ADAD1: variants seen among roughly 807,000 people sequenced by gnomAD.
ADAD1 encodes adenosine deaminase domain containing 1.
Under a neutral mutation model 66.8 loss-of-function variants are expected in ADAD1, and 46 were observed. That is an observed-to-expected ratio of 0.69 (90% CI 0.54 to 0.88). The LOEUF (loss-of-function observed/expected upper bound fraction) is 0.88. Among genes scored for constraint, ADAD1 ranks in the 40% least tolerant of loss-of-function variants. ADAD1 has a pLI of 0.00. For missense variants in ADAD1, 617 were observed against 681.8 expected (o/e 0.91, Z 1.06); for synonymous variants, 248 against 229.4 (o/e 1.08, Z -0.73).
chr4:122,408,501 C>A (rs1560595348), intron 8 of ADAD1, among the ~76,000 whole-genome samples: 1 of 152,188 alleles, frequency 6.6e-6, no homozygotes, highest in African/African-American at 2.4e-5. Context: ...GTCTTGAACT[C>A]CTGATCTCAG....
At position 122,407,594 on chromosome 4, in the gene ADAD1, C is replaced by T. The variant is rs1580780564; in HGVS notation, c.725-314C>T. Among the ~76,000 whole-genome samples the T allele has an allele frequency of 3.9e-5, 6 of 152,198 alleles. No homozygotes were observed. In the South Asian group the frequency reaches 1.2e-3, roughly 32 times the overall value. The stretch of plus-strand genomic sequence containing the variant: ...AAGTGTCTTAGAAGATCAAATACAT[C>T]TAGATGTAGAAGAAATAGAAAGCGA... On this transcript the variant is annotated intron_variant, in intron 7 of 12. Transcript: ENST00000296513.
intron 12 of ADAD1, among the ~76,000 whole-genome samples, chr4:122,424,794 A>T (rs1029057740): frequency 1.3e-5 from 2 of 151,764 alleles, no homozygotes; most frequent in African/African-American, 4.8e-5. Flanking sequence ...AGATTGGGTT[A>T]AAAAAAAGCC....
Position 122,383,923 on chromosome 4 carries a change from T to G in ADAD1, c.486T>G (p.Leu162=), listed in dbSNP as rs929021414. 5 of 1,613,358 alleles carry G rather than the reference T, an allele frequency of 3.1e-6. No individual in the cohort carries two copies. Among genetic ancestry groups the G allele is most frequent in the Non-Finnish European group, 4.2e-6 (5 of 1,179,816 alleles). ...SNAAKLALDE[L]LQLDEPEPRI... ...CAGCAAAATTAGCTCTTGATGAGCTTCTACAACTGGATGAACCTGAACCAC... is the reference window on the plus strand; with the variant it reads ...CAGCAAAATTAGCTCTTGATGAGCTGCTACAACTGGATGAACCTGAACCAC... The change falls in exon 5 of 13, where the codon CTT becomes CTG. Residue 162 remains leucine, a synonymous_variant. Coordinates refer to ENST00000296513, the MANE Select transcript of ADAD1 (RefSeq NM_139243.4).
intron 7 of ADAD1, among the ~76,000 whole-genome samples, chr4:122,397,344 A>G (rs1795763730): frequency 6.6e-6 from 1 of 152,212 alleles, no homozygotes; most frequent in Non-Finnish European, 1.5e-5. Flanking sequence ...AATCAGACTC[A>G]GTTCTGCTAT....
At chr4:122,382,026 G>T (rs918629847) in intron 4 of ADAD1, among the ~76,000 whole-genome samples, 8 of 152,112 alleles carry the variant, frequency 5.3e-5, no homozygotes, top group African/African-American at 9.7e-5. Context: ...TGTTTTAGGT[G>T]GAATACCAGT....
At chr4:122,400,388 T>C (rs1048825073) in intron 7 of ADAD1, among the ~76,000 whole-genome samples, 2 of 152,120 alleles carry the variant, frequency 1.3e-5, no homozygotes, top group Admixed American at 1.3e-4. Flanking sequence ...CTTTTTATGC[T>C]CTTGGATTCA....
chr4:122,405,462 A>G (rs1796163967), intron 7 of ADAD1, among the ~76,000 whole-genome samples: 2 of 152,118 alleles, frequency 1.3e-5, no homozygotes, highest in Admixed American at 1.3e-4. Flanking sequence ...TTGCCAAGGT[A>G]CCCACTGCCT....
chr4:122,379,321 CAG>C (rs1794752029), intron 1 of ADAD1, 49 bp from the exon 2 acceptor site: 2 of 152,476 alleles, frequency 1.3e-5, no homozygotes, highest in South Asian at 2.1e-4. Context: ...GTTCGGAGAA[CAG>C]AGTCACCCAG....
rs1797325824 is a variant in ADAD1 at position 122,427,878 on chromosome 4, G to A, written c.1618-1748G>A. On this transcript the variant is annotated intron_variant, in intron 12 of 12. Transcript: ENST00000296513. ...AGAATTTTGAAAAAGAAGAAAGTTG[G>A]AAAACTTACCTACTTTCAAAACTTA... Among the ~76,000 whole-genome samples the A allele has an allele frequency of 2.6e-5, 4 of 152,062 alleles. No homozygotes were observed. The South Asian group carries it at 8.3e-4, about 32-fold the overall frequency.
chr4:122,429,713 C>A lies in ADAD1; in HGVS notation c.1705C>A (p.Pro569Thr). ...CTATGGATCCTGGATTGTGAAATCT[C>A]CCTGCATAGAGCAATTTAACATGTG... is the stretch of plus-strand genomic sequence containing the variant. ...HGYGSWIVKSPCIEQFNM is the reference protein window; with the variant it reads ...HGYGSWIVKSTCIEQFNM Residue 569 changes from proline (P) to threonine (T), a missense_variant, in exon 13 of 13, where the codon CCC (proline) becomes ACC (threonine). By Grantham distance (38) the Pro-to-Thr change is conservative. Transcript: ENST00000296513. 1 of 1,611,124 alleles carries A rather than the reference C, an allele frequency of 6.2e-7. No homozygotes were observed. The highest frequency in any genetic ancestry group is 8.5e-7 in the Non-Finnish European group (1 of 1,178,076).
intron 11 of ADAD1, among the ~76,000 whole-genome samples, chr4:122,420,964 G>A (rs919526255): frequency 1.3e-5 from 2 of 152,030 alleles, no homozygotes; most frequent in African/African-American, 2.4e-5. Context: ...ATCCCTCATA[G>A]AACTGCTGTT....
intron 7 of ADAD1, among the ~76,000 whole-genome samples, chr4:122,396,841 A>G (rs933074360): frequency 5.3e-5 from 8 of 152,344 alleles, no homozygotes; most frequent in African/African-American, 1.2e-4. Flanking sequence ...TATAAATTAT[A>G]TAGAAACAAT....
chr4:122,382,709 G>A (rs563657789), intron 4 of ADAD1, among the ~76,000 whole-genome samples: 1 of 152,258 alleles, frequency 6.6e-6, no homozygotes, highest in South Asian at 2.1e-4. Context: ...GTGAGCCAGT[G>A]CACCCAGCCA....
intron 11 of ADAD1, among the ~76,000 whole-genome samples, chr4:122,420,897 A>G (rs910108613): frequency 2.6e-5 from 4 of 152,226 alleles, no homozygotes; most frequent in African/African-American, 4.8e-5. Context: ...TTGTATACCT[A>G]TGTAACCATC....
intron 11 of ADAD1, among the ~76,000 whole-genome samples, chr4:122,419,531 G>A (rs1257861785): frequency 6.6e-6 from 1 of 152,100 alleles, no homozygotes; most frequent in Non-Finnish European, 1.5e-5. Flanking sequence ...GAACTTAAAA[G>A]TTTACAAAAG....
intron 5 of ADAD1, among the ~76,000 whole-genome samples, chr4:122,388,421 G>T (rs373781608): frequency 6.6e-6 from 1 of 152,140 alleles, no homozygotes; most frequent in African/African-American, 2.4e-5. Context: ...TCAATTGTTT[G>T]GAATAGTTTC....
intron 7 of ADAD1, among the ~76,000 whole-genome samples, chr4:122,396,895 T>G (rs1402554943): frequency 6.6e-6 from 1 of 152,196 alleles, no homozygotes; most frequent in Non-Finnish European, 1.5e-5. Flanking sequence ...ATGATCTAAG[T>G]AGGCAGAGTA....
At chr4:122,385,603 A>G (rs2150532768) in intron 5 of ADAD1, among the ~76,000 whole-genome samples, 1 of 152,230 alleles carries the variant, frequency 6.6e-6, no homozygotes, top group East Asian at 1.9e-4. Flanking sequence ...TTTAAAGGAT[A>G]CGTGTGCAGA....
rs371027816 is a variant in ADAD1 at position 122,421,278 on chromosome 4, G to T, written c.1505G>T (p.Gly502Val). The T allele has an allele frequency of 1.3e-6, 2 of 1,598,498 alleles. No individual in the cohort carries two copies. Among genetic ancestry groups the T allele is most frequent in the African/African-American group, 2.7e-5 (2 of 74,662 alleles). Residue 502 changes from glycine to valine, a missense_variant, in exon 12 of 13, where the codon GGT becomes GTT. By Grantham distance (109) the Gly-to-Val change is moderately radical. Transcript: ENST00000296513. ...KITESSPFKS[G>V]MSMASRLCKA... ...CTGCTTAGTTCCCCATTTAAAAGTG[G>T]TATGTCAATGGCAAGTCGGCTTTGT...
Sources: allele counts gnomAD v4.1 joint callset (sites outside exome capture counted in the v4.1 genomes callset), GRCh38; gene constraint gnomAD v4.1.1; transcripts MANE v1.5; gene names NCBI Gene and HGNC (gene_info 2026-07-23, HGNC 2026-07-21).